Variants in RBFOX1 observed in about 807,000 individuals in gnomAD.
RBFOX1 encodes RNA binding protein fox-1 homolog 1.
Under a neutral mutation model 57.7 loss-of-function variants are expected in RBFOX1, and 8 were observed. The ratio of observed to expected loss-of-function variants is 0.14; its 90% CI spans 0.08 to 0.25. RBFOX1 has a LOEUF of 0.25. Among genes scored for constraint, RBFOX1 ranks in the 10% least tolerant of loss-of-function variants. RBFOX1 has a pLI of 1.00. For synonymous variants in RBFOX1, 326 were observed against 222.4 expected, an observed-to-expected ratio of 1.47 and a Z score of -4.15; for missense variants, 611 against 548.5, an observed-to-expected ratio of 1.11 and a Z score of -1.14.
chr16:5,628,833 C>T (rs966172149), intron 3 of RBFOX1, among the ~76,000 whole-genome samples: 4 of 152,184 alleles, frequency 2.6e-5, no homozygotes, highest in South Asian at 2.1e-4. Flanking sequence ...CCTTGTCTGT[C>T]CTATTCTACA....
chr16:6,556,738 A>C (rs1355368122), intron 2 of RBFOX1, among the ~76,000 whole-genome samples: 1 of 152,268 alleles, frequency 6.6e-6, no homozygotes, highest in African/African-American at 2.4e-5. Flanking sequence ...TTTGCATTTA[A>C]AAGAAAAAGT....
At chr16:5,878,147 A>T (rs2057663890) in intron 4 of RBFOX1, among the ~76,000 whole-genome samples, 1 of 152,128 alleles carries the variant, frequency 6.6e-6, no homozygotes, top group South Asian at 2.1e-4. Context: ...GGGGTAGGGG[A>T]TGAGGGAACA....
At chr16:6,919,769 C>CTTTTTTTTTTTTTT (rs57240620) in intron 3 of RBFOX1, among the ~76,000 whole-genome samples, 1 of 123,506 alleles carries the variant, frequency 8.1e-6, no homozygotes, top group Non-Finnish European at 1.6e-5. Context: ...TAAGATCATT[C>CTTTTTTTTTTTTTT]TTTTTTTTTT....
In RBFOX1 at chr16:7,685,314, A is replaced by G. The variant is rs561329848; in HGVS notation, c.995+8476A>G. 2.0e-5 allele frequency among the ~76,000 whole-genome samples: 3 copies of G among 152,292 alleles called. No individual in the cohort carries two copies. The South Asian group carries it at 6.2e-4, about 32-fold the overall frequency. On this transcript the variant is annotated intron_variant, in intron 14 of 15. Coordinates refer to ENST00000550418, the MANE Select transcript of RBFOX1 (RefSeq NM_018723.4). ...TTGCCTCTCTACTCTCCCTTCTTCA[A>G]TGAGAGAGTAAGAACTATCAACAGC... is the stretch of plus-strand genomic sequence containing the variant.
intron 2 of RBFOX1, among the ~76,000 whole-genome samples, chr16:6,605,404 A>G (rs934013271): frequency 2.0e-5 from 3 of 152,182 alleles, no homozygotes; most frequent in Non-Finnish European, 2.9e-5. Flanking sequence ...TTGATTTATG[A>G]TATTATCAAG....
intron 1 of RBFOX1, among the ~76,000 whole-genome samples, chr16:6,174,829 C>T (rs1359387517): frequency 6.6e-6 from 1 of 152,156 alleles, no homozygotes; most frequent in African/African-American, 2.4e-5. Flanking sequence ...GCTAAGCTTT[C>T]TCTATGTGCC....
rs754749709 is a variant in RBFOX1 at position 7,113,292 on chromosome 16, C to T, written c.27+61194C>T. ...AGTCATTTTGGGTAAGAGTAATGCTCTATAGTTTTTTATCTTTTTTTGGAC... is the reference window on the plus strand; with the variant it reads ...AGTCATTTTGGGTAAGAGTAATGCTTTATAGTTTTTTATCTTTTTTTGGAC... On this transcript the variant is annotated intron_variant, in intron 4 of 15. Coordinates refer to ENST00000550418, the MANE Select transcript of RBFOX1 (RefSeq NM_018723.4). 7.2e-5 allele frequency among the ~76,000 whole-genome samples: 11 copies of T among 152,216 alleles called. No individual in the cohort carries two copies. In the South Asian group the frequency reaches 8.3e-4, roughly 12 times the overall value.
intron 3 of RBFOX1, among the ~76,000 whole-genome samples, chr16:5,862,459 A>G (rs552315615): frequency 1.5e-3 from 223 of 152,184 alleles, no homozygotes; most frequent in Non-Finnish European, 2.0e-3. Flanking sequence ...TACTGTAAAT[A>G]CTGGAGGCAG....
rs570312578 is a variant in RBFOX1 at position 7,082,656 on chromosome 16, AAC to A, written c.27+30562_27+30563del. On this transcript the variant is annotated intron_variant, in intron 4 of 15. Coordinates refer to ENST00000550418, the MANE Select transcript of RBFOX1 (RefSeq NM_018723.4). ...TTTCACATTTCGTTCAGTGTTTAGT[AAC>A]ACAACTGTTTAATGAAGGCTTGCAG... Among the ~76,000 whole-genome samples, 48 of 152,334 alleles carry A rather than the reference AAC, an allele frequency of 3.2e-4. No individual in the cohort carries two copies. In the East Asian group the frequency reaches 8.7e-3, roughly 28 times the overall value.
At chr16:6,364,138 G>A (rs900805780) in intron 2 of RBFOX1, among the ~76,000 whole-genome samples, 1 of 152,186 alleles carries the variant, frequency 6.6e-6, no homozygotes, top group Non-Finnish European at 1.5e-5. Flanking sequence ...GTTCCCTGCT[G>A]TACTGAGAAG....
At chr16:5,718,853 G>C (rs1053640944) in intron 3 of RBFOX1, among the ~76,000 whole-genome samples, 7 of 152,104 alleles carry the variant, frequency 4.6e-5, no homozygotes, top group Non-Finnish European at 7.3e-5. Context: ...AGGTCGCAGT[G>C]AGTGGAGACT....
intron 2 of RBFOX1, among the ~76,000 whole-genome samples, chr16:5,522,149 A>G (rs780604688): frequency 2.6e-5 from 4 of 152,232 alleles, no homozygotes; most frequent in Non-Finnish European, 5.9e-5. Context: ...GAGTAAGCTC[A>G]GCTCCTCTCC....
intron 3 of RBFOX1, among the ~76,000 whole-genome samples, chr16:6,970,787 C>T (rs1270448402): frequency 6.6e-6 from 1 of 152,140 alleles, no homozygotes; most frequent in South Asian, 2.1e-4. Context: ...TGAATTGGGT[C>T]TTATGCCCTG....
intron 14 of RBFOX1, among the ~76,000 whole-genome samples, chr16:7,704,606 G>A (rs940211280): frequency 3.3e-5 from 5 of 152,170 alleles, no homozygotes; most frequent in Non-Finnish European, 4.4e-5. Context: ...GGGATGCAAT[G>A]GCAGACAAAA....
intron 1 of RBFOX1, among the ~76,000 whole-genome samples, chr16:6,141,466 C>T (rs562550025): frequency 1.3e-5 from 2 of 152,234 alleles, no homozygotes; most frequent in East Asian, 3.9e-4. Context: ...AACTCACCTC[C>T]ATTTCTCTTC....
chr16:7,701,778 C>G (rs997012540), intron 14 of RBFOX1, among the ~76,000 whole-genome samples: 1 of 152,188 alleles, frequency 6.6e-6, no homozygotes, highest in African/African-American at 2.4e-5. Flanking sequence ...CACTAACTGA[C>G]CAACAGATCT....
intron 4 of RBFOX1, among the ~76,000 whole-genome samples, chr16:7,180,635 G>A (rs17142810): frequency 0.018 from 2,697 of 151,646 alleles, 77 homozygotes; most frequent in African/African-American, 0.062. Context: ...GTGTTAGAAA[G>A]GATTGCAAAA....
intron 2 of RBFOX1, among the ~76,000 whole-genome samples, chr16:6,511,084 G>T (rs1384496541): frequency 1.3e-5 from 2 of 152,118 alleles, no homozygotes; most frequent in African/African-American, 4.8e-5. Context: ...GAGGTAGCGT[G>T]GATCAGAATG....
At chr16:6,473,245 C>T (rs530017225) in intron 2 of RBFOX1, among the ~76,000 whole-genome samples, 1 of 152,272 alleles carries the variant, frequency 6.6e-6, no homozygotes, top group South Asian at 2.1e-4. Flanking sequence ...ATGGATCACC[C>T]TCCGAGGCTT....
Sources: gnomAD v4.1 joint callset for allele counts (sites outside exome capture counted in the v4.1 genomes callset) on GRCh38, gnomAD v4.1.1 for gene constraint, MANE v1.5 for transcripts, NCBI Gene and HGNC (gene_info 2026-07-23, HGNC 2026-07-21) for gene names.